The following CNOT2 variants were observed in gnomAD, a reference collection of about 807,000 sequenced individuals.
CNOT2 encodes CC chemokine receptor 4-negative regulator of transcription 2.
A neutral mutation model predicts 72.1 loss-of-function variants in CNOT2; 7 were observed. The observed-to-expected ratio is 0.10, with a 90% CI of 0.06 to 0.18. The LOEUF is 0.18. CNOT2 is among the 10% of genes least tolerant of loss of function. The pLI is 1.00. For missense variants in CNOT2, 345 were observed against 660.3 expected, an observed-to-expected ratio of 0.52 and a Z score of 5.23; for synonymous variants, 196 against 225.6, an observed-to-expected ratio of 0.87 and a Z score of 1.17.
At chr12:70,282,003 CT>C (rs1869949430) in intron 2 of CNOT2, among the ~76,000 whole-genome samples, 1 of 152,070 alleles carries the variant, frequency 6.6e-6, no homozygotes. Flanking sequence ...GATAATACTG[CT>C]GTATCTAATA....
chr12:70,268,754 C>T (rs1468179948), intron 1 of CNOT2, among the ~76,000 whole-genome samples: 1 of 152,010 alleles, frequency 6.6e-6, no homozygotes, highest in African/African-American at 2.4e-5. Flanking sequence ...AGCCACCACA[C>T]CTAGCCAGAA....
intron 2 of CNOT2, among the ~76,000 whole-genome samples, chr12:70,304,612 T>TG (rs746400442): frequency 6.6e-6 from 1 of 152,216 alleles, no homozygotes; most frequent in African/African-American, 2.4e-5. Context: ...CCGCCCCTAC[T>TG]GGGGGGTCAG....
intron 1 of CNOT2, among the ~76,000 whole-genome samples, chr12:70,258,696 A>C (rs1220328982): frequency 6.6e-6 from 1 of 152,224 alleles, no homozygotes; most frequent in East Asian, 1.9e-4. Flanking sequence ...AAACTAAGGG[A>C]AAGTATGGAG....
intron 2 of CNOT2, among the ~76,000 whole-genome samples, chr12:70,293,437 G>A (rs1484184251): frequency 2.6e-5 from 4 of 152,132 alleles, no homozygotes; most frequent in Admixed American, 2.0e-4. Context: ...GGGATTACAG[G>A]CATGAGCCAC....
chr12:70,323,006 G>T (rs1260665749), intron 4 of CNOT2: 2 of 151,604 alleles, frequency 1.3e-5, no homozygotes, highest in Non-Finnish European at 2.9e-5. Flanking sequence ...TAGATTAAAA[G>T]ATACCATGTG....
chr12:70,306,331 A>AT (rs1490966045), intron 2 of CNOT2, among the ~76,000 whole-genome samples: 1 of 151,710 alleles, frequency 6.6e-6, no homozygotes, highest in Non-Finnish European at 1.5e-5. Context: ...AATTTTTTGT[A>AT]TTTTTAGTAG....
chr12:70,353,792 G>A (rs757356076), intron 15 of CNOT2, 37 bp from the exon 16 acceptor site: 7 of 1,595,392 alleles, frequency 4.4e-6, no homozygotes, highest in Non-Finnish European at 3.4e-6. Context: ...AAAATGAAAA[G>A]GGGAAGATAT....
intron 2 of CNOT2, among the ~76,000 whole-genome samples, chr12:70,310,000 G>A (rs1249560448): frequency 6.6e-6 from 1 of 151,958 alleles, no homozygotes; most frequent in Non-Finnish European, 1.5e-5. Flanking sequence ...TGTACAGACT[G>A]TTTTTTCTTG....
chr12:70,286,457 T>C (rs1352325207), intron 2 of CNOT2, among the ~76,000 whole-genome samples: 1 of 150,046 alleles, frequency 6.7e-6, no homozygotes, highest in Non-Finnish European at 1.5e-5. Context: ...TACAGTTTCC[T>C]TTCCCCTGCA....
chr12:70,244,028 G>A (rs1957736030), intron 1 of CNOT2: 1 of 152,310 alleles, frequency 6.6e-6, no homozygotes, highest in Non-Finnish European at 1.5e-5. Context: ...TCATCTGCCA[G>A]TTATGTGTAT....
At chr12:70,288,720 G>T (rs1215280244) in intron 2 of CNOT2, among the ~76,000 whole-genome samples, 1 of 152,172 alleles carries the variant, frequency 6.6e-6, no homozygotes, top group Non-Finnish European at 1.5e-5. Flanking sequence ...ATTTTATGGA[G>T]TGATTTTAGT....
chr12:70,327,567 G>A (rs1201710879), intron 4 of CNOT2: 1 of 151,668 alleles, frequency 6.6e-6, no homozygotes, highest in African/African-American at 2.4e-5. Flanking sequence ...ATTGAACTAG[G>A]TGATCTTTAA....
intron 1 of CNOT2, chr12:70,244,374 C>G (rs1219739178): frequency 6.6e-6 from 1 of 152,170 alleles, no homozygotes; most frequent in Admixed American, 6.5e-5. Flanking sequence ...TTAAAAGAGG[C>G]CTTTGTAGTT....
At chr12:70,299,430 G>A (rs1453037409) in intron 2 of CNOT2, among the ~76,000 whole-genome samples, 1 of 132,282 alleles carries the variant, frequency 7.6e-6, no homozygotes, top group Non-Finnish European at 1.5e-5. Context: ...GTGTCCATGT[G>A]TTCTCATTGT....
chr12:70,249,389 T>C (rs758542414), intron 1 of CNOT2, among the ~76,000 whole-genome samples: 5 of 144,116 alleles, frequency 3.5e-5, no homozygotes, highest in African/African-American at 5.1e-5. Flanking sequence ...CTTAATTTTA[T>C]ATATATTAAA....
chr12:70,295,922 C>CG (rs1872729495), intron 2 of CNOT2, among the ~76,000 whole-genome samples: 1 of 152,122 alleles, frequency 6.6e-6, no homozygotes, highest in South Asian at 2.1e-4. Context: ...CATGTTGAAA[C>CG]ATACAGAACA....
intron 5 of CNOT2, among the ~76,000 whole-genome samples, chr12:70,329,958 A>G (rs1879680200): frequency 6.6e-6 from 1 of 152,020 alleles, no homozygotes; most frequent in Non-Finnish European, 1.5e-5. Flanking sequence ...TAGACTATAC[A>G]TTTAGTATGC....
In CNOT2 at chr12:70,270,410, T is replaced by C. The variant is rs181973829; in HGVS notation, c.-95-7722T>C. 1.5e-3 allele frequency among the ~76,000 whole-genome samples: 228 copies of C among 152,184 alleles called. 1 individual carries two copies. Among genetic ancestry groups the C allele is most frequent in the African/African-American group, 5.1e-3 (211 of 41,556 alleles). On this transcript the variant is annotated intron_variant, in intron 1 of 15. Coordinates refer to ENST00000229195, the MANE Select transcript of CNOT2 (RefSeq NM_014515.7). Reference sequence around the variant, plus strand: ...AATTCAGTAGCAGTGAAACAACACATATTGAGGTTAAAGTTCTTTACATTA... The same window carrying C: ...AATTCAGTAGCAGTGAAACAACACACATTGAGGTTAAAGTTCTTTACATTA...
At chr12:70,336,373 T>TA (rs1163171629) in intron 8 of CNOT2, 4 of 152,112 alleles carry the variant, frequency 2.6e-5, no homozygotes, top group Admixed American at 2.0e-4. Context: ...ACAATGTAGA[T>TA]ATGAAAATTC....
Sources: allele counts gnomAD v4.1 joint callset (sites outside exome capture counted in the v4.1 genomes callset), GRCh38; gene constraint gnomAD v4.1.1; transcripts MANE v1.5; gene names NCBI Gene and HGNC (gene_info 2026-07-23, HGNC 2026-07-21).